SEMA3A: variants seen among roughly 807,000 people sequenced by gnomAD.
SEMA3A encodes the protein semaphorin 3A.
In SEMA3A, 29 loss-of-function variants were observed where a neutral mutation model predicts 97.9. The observed-to-expected ratio is 0.30, with a 90% CI of 0.22 to 0.40. SEMA3A has a LOEUF of 0.40. SEMA3A is among the 10% of genes least tolerant of loss of function. The pLI, the probability that SEMA3A is intolerant of heterozygous loss-of-function variation, is 1.00. For synonymous variants in SEMA3A, 321 were observed against 323.7 expected, an observed-to-expected ratio of 0.99 and a Z score of 0.09; for missense variants, 763 against 951.3, an observed-to-expected ratio of 0.80 and a Z score of 2.60.
chr7:84,252,144 A>G (rs950563224), intron 3 of SEMA3A, among the ~76,000 whole-genome samples: 1 of 152,070 alleles, frequency 6.6e-6, no homozygotes, highest in African/African-American at 2.4e-5. Flanking sequence ...CCTCCCAGCA[A>G]TCCTCTTCCC....
intron 15 of SEMA3A, among the ~76,000 whole-genome samples, chr7:83,969,001 G>A (rs1389910714): frequency 6.6e-6 from 1 of 151,638 alleles, no homozygotes; most frequent in Admixed American, 6.6e-5. Context: ...AGTAGAGATA[G>A]GGTTTTACCA....
intron 1 of SEMA3A, among the ~76,000 whole-genome samples, chr7:84,150,488 C>A (rs1796608153): frequency 6.6e-6 from 1 of 152,176 alleles, no homozygotes; most frequent in Non-Finnish European, 1.5e-5. Flanking sequence ...CGGACGGCAC[C>A]TGGAGAATCG....
chr7:84,367,731 G>C (rs1802882842), intron 2 of SEMA3A, among the ~76,000 whole-genome samples: 2 of 150,770 alleles, frequency 1.3e-5, no homozygotes, highest in Admixed American at 1.3e-4. Flanking sequence ...ATAATGAGTA[G>C]ACCTATATAT....
chr7:84,069,816 G>A (rs996136456), intron 4 of SEMA3A, among the ~76,000 whole-genome samples: 1 of 152,042 alleles, frequency 6.6e-6, no homozygotes, highest in Non-Finnish European at 1.5e-5. Flanking sequence ...TATATGAATA[G>A]ACACTAATAT....
intron 4 of SEMA3A, among the ~76,000 whole-genome samples, chr7:84,072,553 T>C (rs1453314954): frequency 6.6e-6 from 1 of 152,158 alleles, no homozygotes; most frequent in Admixed American, 6.6e-5. Context: ...GTTCACCTTG[T>C]ATTTATTTTT....
chr7:84,068,821 G>A (rs899872747), intron 4 of SEMA3A, among the ~76,000 whole-genome samples: 4 of 152,196 alleles, frequency 2.6e-5, no homozygotes, highest in African/African-American at 9.6e-5. Context: ...GGTTAAGCAT[G>A]TCAGTTATGG....
At chr7:84,484,076 T>C (rs899894307) in intron 1 of SEMA3A, among the ~76,000 whole-genome samples, 6 of 151,132 alleles carry the variant, frequency 4.0e-5, no homozygotes, top group Non-Finnish European at 7.4e-5. Flanking sequence ...AGAAAAAATC[T>C]GGGTTTTGTC....
At chr7:84,422,106 C>A (rs979971858) in intron 1 of SEMA3A, among the ~76,000 whole-genome samples, 1 of 151,902 alleles carries the variant, frequency 6.6e-6, no homozygotes. Flanking sequence ...AGCTCCTCTT[C>A]GTACCTCTGG....
At chr7:84,432,588 T>G (rs1584321458) in intron 1 of SEMA3A, among the ~76,000 whole-genome samples, 1 of 152,158 alleles carries the variant, frequency 6.6e-6, no homozygotes, top group African/African-American at 2.4e-5. Flanking sequence ...CATCTTTATT[T>G]CCATGAGTAG....
chr7:84,099,196 G>A (rs373173163), intron 4 of SEMA3A, among the ~76,000 whole-genome samples: 2 of 106,042 alleles, frequency 1.9e-5, no homozygotes, highest in East Asian at 3.1e-4. Context: ...TCAGCCTCCC[G>A]AGTAGCTGGG....
intron 1 of SEMA3A, among the ~76,000 whole-genome samples, chr7:84,191,227 GA>G (rs35507547): frequency 0.17 from 20,109 of 117,416 alleles, 1,661 homozygotes; most frequent in African/African-American, 0.27. Flanking sequence ...CCTTGACTCT[GA>G]AAAAAAAAAA....
intron 6 of SEMA3A, among the ~76,000 whole-genome samples, chr7:84,030,132 A>G (rs1261150967): frequency 1.3e-5 from 2 of 152,164 alleles, no homozygotes; most frequent in African/African-American, 4.8e-5. Context: ...ACTTGGATGA[A>G]GTAAACCAAG....
rs549562330 is a variant in SEMA3A at position 83,999,304 on chromosome 7, A to G, written c.1452+2651T>C. Among the ~76,000 whole-genome samples, 371 of 152,254 alleles carry G rather than the reference A, an allele frequency of 2.4e-3. 2 individuals are homozygous for G. The highest frequency in any genetic ancestry group is 3.4e-3 in the Middle Eastern group (1 of 294). ...TCTTTTTAAGTTAAAATCCTTATTA[A>G]TGTACTAAACAACATAGCTAAGATG... On this transcript the variant is annotated intron_variant, in intron 12 of 16. Coordinates refer to ENST00000265362, the MANE Select transcript of SEMA3A (RefSeq NM_006080.3).
chr7:83,972,279 A>G lies in SEMA3A; in HGVS notation c.1717+4853T>C, dbSNP rs1788950823. Among the ~76,000 whole-genome samples the G allele has an allele frequency of 2.0e-5, 3 of 151,924 alleles. No individual in the cohort carries two copies. The South Asian group carries it at 6.2e-4, about 31-fold the overall frequency. On this transcript the variant is annotated intron_variant, in intron 15 of 16. Transcript: ENST00000265362. ...ACTTTGAAGCCACTTGAATAGTTAC[A>G]TTGAACACTGTACTTGATGTCTTGT...
At chr7:84,251,285 A>G (rs1799601876) in intron 3 of SEMA3A, among the ~76,000 whole-genome samples, 2 of 152,304 alleles carry the variant, frequency 1.3e-5, no homozygotes, top group Non-Finnish European at 2.9e-5. Context: ...CCAAGGTACT[A>G]TGTTTTGGAA....
intron 1 of SEMA3A, among the ~76,000 whole-genome samples, chr7:84,139,981 T>C (rs1421619578): frequency 6.6e-6 from 1 of 152,072 alleles, no homozygotes; most frequent in Non-Finnish European, 1.5e-5. Flanking sequence ...CTCTAATGTA[T>C]ATTTACTTTT....
chr7:84,465,650 CT>C (rs1443302653), intron 1 of SEMA3A, among the ~76,000 whole-genome samples: 1 of 152,050 alleles, frequency 6.6e-6, no homozygotes, highest in Admixed American at 6.6e-5. Flanking sequence ...CTTGATTTAT[CT>C]TTATTTAATT....
At chr7:84,106,232 CT>C (rs1319121571) in intron 4 of SEMA3A, among the ~76,000 whole-genome samples, 1 of 152,098 alleles carries the variant, frequency 6.6e-6, no homozygotes, top group Admixed American at 6.6e-5. Flanking sequence ...TATAATGGAT[CT>C]AAAAAATTCT....
chr7:84,488,358 A>G (rs1011335570), intron 1 of SEMA3A, among the ~76,000 whole-genome samples: 1 of 151,866 alleles, frequency 6.6e-6, no homozygotes, highest in Admixed American at 6.6e-5. Flanking sequence ...ACATATATAT[A>G]TGTACTCCCC....
Sources: allele counts gnomAD v4.1 joint callset (sites outside exome capture counted in the v4.1 genomes callset), GRCh38; gene constraint gnomAD v4.1.1; transcripts MANE v1.5; gene names NCBI Gene and HGNC (gene_info 2026-07-23, HGNC 2026-07-21).